Variants in DIO2 observed in about 807,000 individuals in gnomAD.
The protein encoded by DIO2 is type II iodothyronine deiodinase.
Under a neutral mutation model 21.4 loss-of-function variants are expected in DIO2, and 19 were observed. The ratio of observed to expected loss-of-function variants is 0.89; its 90% CI spans 0.62 to 1.30. DIO2 has a LOEUF of 1.30. DIO2 is among the 50% of genes most tolerant of loss of function. The pLI, the probability that DIO2 is intolerant of heterozygous loss-of-function variation, is 0.00. For missense variants in DIO2, 302 were observed against 338.1 expected, an observed-to-expected ratio of 0.89 and a Z score of 0.84; for synonymous variants, 122 against 132.9, an observed-to-expected ratio of 0.92 and a Z score of 0.57.
rs111971363 is a variant in DIO2, at chr14:80,202,465, T to C, written c.*224A>G. 8.1e-6 allele frequency: 6 copies of C among 740,738 alleles called. No homozygotes were observed. The highest frequency in any genetic ancestry group is 2.8e-5 in the South Asian group (2 of 71,800). 45.9% of individuals were successfully genotyped at this position (740,738 alleles called of 1,614,324 possible). On this transcript the variant is annotated 3_prime_UTR_variant, in exon 2 of 2. Coordinates refer to ENST00000438257, the MANE Select transcript of DIO2 (RefSeq NM_013989.5). ...CTCTCCATCTTGGGATCTTTTCACA[T>C]AGGGCTTTTTACTAAGAAGAGAGGT...
chr14:80,216,777 TG>T (rs1888372228), intron 2 of DIO2: 1 of 151,938 alleles, frequency 6.6e-6, no homozygotes, highest in Non-Finnish European at 1.5e-5. Flanking sequence ...CAAAGGAAAA[TG>T]GTCAAAAAAA....
chr14:80,224,034 CAAGT>C (rs1292555714), intron 2 of DIO2, among the ~76,000 whole-genome samples: 1 of 152,180 alleles, frequency 6.6e-6, no homozygotes, highest in Non-Finnish European at 1.5e-5. Context: ...ACTGCACCAA[CAAGT>C]AAGGATTGCT....
chr14:80,206,545 T>C (rs947530392), intron 1 of DIO2, among the ~76,000 whole-genome samples: 1 of 152,104 alleles, frequency 6.6e-6, no homozygotes, highest in Non-Finnish European at 1.5e-5. Context: ...AGAATCACCA[T>C]TGTCTTCGAT....
At chr14:80,218,780 C>T (rs1888405365) in intron 2 of DIO2, among the ~76,000 whole-genome samples, 2 of 152,060 alleles carry the variant, frequency 1.3e-5, no homozygotes, top group Admixed American at 1.3e-4. Context: ...GAGTTCGAGA[C>T]CAGCCTGGCC....
At chr14:80,207,204 ATC>A (rs1887986494) in intron 1 of DIO2, among the ~76,000 whole-genome samples, 1 of 152,192 alleles carries the variant, frequency 6.6e-6, no homozygotes, top group African/African-American at 2.4e-5. Flanking sequence ...TGGAATGGAA[ATC>A]TTTATAAATA....
chr14:80,207,812 C>A (rs1443608285), intron 1 of DIO2, among the ~76,000 whole-genome samples: 3 of 151,996 alleles, frequency 2.0e-5, no homozygotes, highest in Non-Finnish European at 4.4e-5. Context: ...TCTATCATTC[C>A]CCAATGTTTT....
intron 2 of DIO2, among the ~76,000 whole-genome samples, chr14:80,219,084 T>C (rs1464023850): frequency 6.6e-6 from 1 of 152,230 alleles, no homozygotes; most frequent in Non-Finnish European, 1.5e-5. Context: ...GTTTCCCTAC[T>C]GTCCTGGGAC....
chr14:80,219,499 T>C (rs1441922192), intron 2 of DIO2: 1 of 146,250 alleles, frequency 6.8e-6, no homozygotes, highest in Non-Finnish European at 1.5e-5. Flanking sequence ...TTGACAACTG[T>C]AAGTCATTTT....
intron 1 of DIO2, among the ~76,000 whole-genome samples, chr14:80,208,995 A>G (rs1888060258): frequency 6.6e-6 from 1 of 152,222 alleles, no homozygotes. Context: ...TAATCAAATC[A>G]GTAGGCAGGG....
In DIO2 at chr14:80,198,062, G is replaced by A. The variant is rs1887550430; in HGVS notation, c.*4627C>T. ...CGCTGACCAGTGACATGGGCCTGGA[G>A]AAGTCTTGAGAGAATTTTCTTTATT... On this transcript the variant is annotated 3_prime_UTR_variant, in exon 2 of 2. Transcript: ENST00000438257. 6.6e-6 allele frequency: 1 copy of A among 152,670 alleles called. No homozygotes were observed. The highest frequency in any genetic ancestry group is 2.1e-4 in the South Asian group (1 of 4,832). 9.5% of individuals were successfully genotyped at this position (152,670 alleles called of 1,614,324 possible).
At chr14:80,219,626 G>A (rs955944416) in intron 2 of DIO2, 1 of 151,200 alleles carries the variant, frequency 6.6e-6, no homozygotes, top group Non-Finnish European at 1.5e-5. Flanking sequence ...AAAATGTTTA[G>A]AGACCAGTAG....
chr14:80,198,957 T>C lies in DIO2; in HGVS notation c.*3732A>G, dbSNP rs184864306. On this transcript the variant is annotated 3_prime_UTR_variant, in exon 2 of 2. Transcript: ENST00000438257. Reference sequence around the variant, plus strand: ...TTTTTCAATGGTCATATGATCCTAATTAAAGTTATTTTCCAAACCATCAGT... The same window carrying C: ...TTTTTCAATGGTCATATGATCCTAACTAAAGTTATTTTCCAAACCATCAGT... 1 of 152,294 alleles carries C rather than the reference T, an allele frequency of 6.6e-6. No individual in the cohort carries two copies. Among genetic ancestry groups the C allele is most frequent in the African/African-American group, 2.4e-5 (1 of 41,562 alleles). The allele number at this position is 152,294 out of a possible 1,614,324, so 9.4% of individuals were successfully genotyped here. A position where few individuals can be genotyped will look rare whatever the true frequency, so the allele number is the denominator to read the frequency against.
At position 80,209,749 on chromosome 14, in the gene DIO2, A is replaced by C. The variant is rs188997423; in HGVS notation, c.222+1502T>G. On this transcript the variant is annotated intron_variant, in intron 1 of 1. Coordinates refer to ENST00000438257, the MANE Select transcript of DIO2 (RefSeq NM_013989.5). ...CTACTAATAAGAGCTCTTACTATTC[A>C]CATTTTTAACAACAATAAACACAAA... Among the ~76,000 whole-genome samples, 173 of 152,360 alleles carry C rather than the reference A, an allele frequency of 1.1e-3. 1 individual carries two copies. Among genetic ancestry groups the C allele is most frequent in the African/African-American group, 4.1e-3 (169 of 41,584 alleles).
At chr14:80,210,161 TA>T in intron 1 of DIO2, among the ~76,000 whole-genome samples, 1 of 152,232 alleles carries the variant, frequency 6.6e-6, no homozygotes, top group Admixed American at 6.6e-5. Flanking sequence ...TCTATTTTGA[TA>T]ACTACTTTTG....
Position 80,203,138 on chromosome 14 carries a change from C to T in DIO2, c.373G>A (p.Val125Met). The part of the protein sequence containing the change: ...LDFASPERPL[V>M]VNFGSATUPP... ...CAAGTGGCTGAGCCAAAGTTGACCA[C>T]TAGTGGGCGCTCAGGGCTGGCAAAG... The change falls in exon 2 of 2, where the codon GTG becomes ATG. Residue 125 changes from valine (V) to methionine (M), a missense_variant. Val to Met is a conservative substitution (Grantham distance 21, BLOSUM62 1). Coordinates refer to ENST00000438257, the MANE Select transcript of DIO2 (RefSeq NM_013989.5). 6.2e-7 allele frequency: 1 copy of T among 1,613,280 alleles called. No individual in the cohort carries two copies. The highest frequency in any genetic ancestry group is 1.1e-5 in the South Asian group (1 of 90,936).
chr14:80,207,663 A>C (rs1381108054), intron 1 of DIO2, among the ~76,000 whole-genome samples: 1 of 152,230 alleles, frequency 6.6e-6, no homozygotes, highest in Admixed American at 6.5e-5. Flanking sequence ...ACTATCATTA[A>C]GAAGAGATTT....
upstream of DIO2, chr14:80,212,191 C>A (rs1888236090): frequency 6.6e-6 from 1 of 151,992 alleles, no homozygotes; most frequent in Non-Finnish European, 1.5e-5. Flanking sequence ...CCCAGTGAGT[C>A]TCCCTGACGC....
At chr14:80,228,680 C>A (rs1888626447) in intron 2 of DIO2, among the ~76,000 whole-genome samples, 1 of 152,144 alleles carries the variant, frequency 6.6e-6, no homozygotes, top group African/African-American at 2.4e-5. Flanking sequence ...GGGGTTCTGC[C>A]AGCTAATAAG....
intron 1 of DIO2, among the ~76,000 whole-genome samples, chr14:80,207,026 C>T (rs1012477952): frequency 1.1e-4 from 16 of 152,076 alleles, no homozygotes; most frequent in African/African-American, 3.6e-4. Context: ...AAAGGACATA[C>T]GTAAAATGTG....
Sources: allele counts gnomAD v4.1 joint callset (sites outside exome capture counted in the v4.1 genomes callset), GRCh38; gene constraint gnomAD v4.1.1; transcripts MANE v1.5; gene names NCBI Gene and HGNC (gene_info 2026-07-23, HGNC 2026-07-21).